The following RIMBP2 variants were observed in gnomAD, a reference collection of about 807,000 sequenced individuals.
RIMBP2 encodes RIMS-binding protein 2.
RIMBP2 carries 48 observed loss-of-function variants against 118.6 expected under a neutral mutation model. That is an observed-to-expected ratio of 0.40 (90% CI 0.32 to 0.51). RIMBP2 has a LOEUF of 0.51. RIMBP2 is among the 20% of genes least tolerant of loss of function. The pLI, the probability that RIMBP2 is intolerant of heterozygous loss-of-function variation, is 0.41. For synonymous variants in RIMBP2, 762 were observed against 742.9 expected (o/e 1.03, Z -0.42); for missense variants, 1,551 against 1,768.3 (o/e 0.88, Z 2.20).
At chr12:130,646,809 G>C (rs1398803818) in intron 1 of RIMBP2, among the ~76,000 whole-genome samples, 2 of 152,246 alleles carry the variant, frequency 1.3e-5, no homozygotes, top group African/African-American at 4.8e-5. Flanking sequence ...CAGAGTCCCT[G>C]AACCAGGGCT....
At chr12:130,551,485 G>A (rs541297654) in intron 2 of RIMBP2, among the ~76,000 whole-genome samples, 2 of 152,274 alleles carry the variant, frequency 1.3e-5, no homozygotes, top group Admixed American at 1.3e-4. Context: ...ATGTCCCATA[G>A]TTTGCTATTT....
intron 14 of RIMBP2, chr12:130,430,583 T>C (rs2077086441): frequency 6.6e-6 from 1 of 150,934 alleles, no homozygotes; most frequent in South Asian, 2.1e-4. Context: ...GTATTCAGCA[T>C]GGGCAATGAC....
chr12:130,438,213 G>A lies in RIMBP2; in HGVS notation c.1656+152C>T. 10 of 786,944 alleles carry A rather than the reference G, an allele frequency of 1.3e-5. 1 individual carries two copies. In the South Asian group the frequency reaches 1.8e-4, roughly 14 times the overall value. The allele number at this position is 786,944 out of a possible 1,614,324, so 48.7% of individuals were successfully genotyped here. On this transcript the variant is annotated intron_variant, in intron 12 of 22. Coordinates refer to ENST00000690449, the MANE Select transcript of RIMBP2 (RefSeq NM_001393629.1). The stretch of plus-strand genomic sequence containing the variant: ...CTGGAAGTGAGGAAGGGGTCCTGGG[G>A]TTCACGCTGATGGAGTCTTCGGGGT...
In RIMBP2 at chr12:130,523,903, A is replaced by T. The variant is rs1183095366; in HGVS notation, c.-216-5986T>A. 6.6e-6 allele frequency among the ~76,000 whole-genome samples: 1 copy of T among 152,100 alleles called. No homozygotes were observed. The highest frequency in any genetic ancestry group is 2.1e-4 in the South Asian group (1 of 4,816). On this transcript the variant is annotated intron_variant, in intron 2 of 22. Coordinates refer to ENST00000690449, the MANE Select transcript of RIMBP2 (RefSeq NM_001393629.1). This position sits in a 1 kb window ranked among gnomAD's most constrained non-coding sequence, Gnocchi z 4.4. ...GTCTCAGAGGTGGGGAAGAGGGTCCACCCAGCACAAATACATAACAAAGGC... is the reference window on the plus strand; with the variant it reads ...GTCTCAGAGGTGGGGAAGAGGGTCCTCCCAGCACAAATACATAACAAAGGC...
chr12:130,422,366 T>C lies in RIMBP2; in HGVS notation c.3238+87A>G. ...TTCTTTGCTTAGCGGAAAATGCTAC[T>C]CCTAAAGTTTTGTTCATGCTTAGAT... On this transcript the variant is annotated intron_variant, in intron 17 of 22. Coordinates refer to ENST00000690449, the MANE Select transcript of RIMBP2 (RefSeq NM_001393629.1). This position sits in a 1 kb window ranked among gnomAD's most constrained non-coding sequence, Gnocchi z 5.2. The C allele has an allele frequency of 1.2e-6, 1 of 832,188 alleles. No homozygotes were observed. Among genetic ancestry groups the C allele is most frequent in the South Asian group, 1.8e-5 (1 of 54,640 alleles). The allele number at this position is 832,188 out of a possible 1,614,324, so 51.6% of individuals were successfully genotyped here.
chr12:130,601,973 G>T (rs1163801444), intron 2 of RIMBP2, among the ~76,000 whole-genome samples: 1 of 152,180 alleles, frequency 6.6e-6, no homozygotes, highest in Non-Finnish European at 1.5e-5. Context: ...CTCTGGCCAA[G>T]AAAGGTCTCC....
At chr12:130,573,686 T>C (rs1427841052) in intron 2 of RIMBP2, among the ~76,000 whole-genome samples, 2 of 151,632 alleles carry the variant, frequency 1.3e-5, no homozygotes, top group Non-Finnish European at 2.9e-5. Context: ...GTGACAGGGG[T>C]AGCCAAGGAC....
intron 4 of RIMBP2, among the ~76,000 whole-genome samples, chr12:130,484,001 C>G (rs2082273920): frequency 6.6e-6 from 1 of 152,156 alleles, no homozygotes; most frequent in Non-Finnish European, 1.5e-5. Flanking sequence ...CTGGAAAGGC[C>G]CCAGAAGTTC....
rs371700645 is a variant in RIMBP2, at chr12:130,613,412, T to C, written c.-217+14910A>G. On this transcript the variant is annotated intron_variant, in intron 2 of 22. Coordinates refer to ENST00000690449, the MANE Select transcript of RIMBP2 (RefSeq NM_001393629.1). ...AGAGAACCTGAGTGAGGAAGTCCAG[T>C]GAGCCCAGCCCCCCACCCCGCAGGC... 5.2e-4 allele frequency among the ~76,000 whole-genome samples: 79 copies of C among 152,074 alleles called. No individual in the cohort carries two copies. The South Asian group carries it at 0.016, about 30-fold the overall frequency.
At chr12:130,414,044 A>G (rs959050743) in intron 18 of RIMBP2, 81 bp downstream of exon 18, 1 of 1,421,812 alleles carries the variant, frequency 7.0e-7, no homozygotes, top group East Asian at 2.3e-5. Flanking sequence ...CTAAGTCGAT[A>G]CCCTGTTGCC....
chr12:130,645,775 T>A (rs67739802), intron 1 of RIMBP2, among the ~76,000 whole-genome samples: 4,556 of 152,294 alleles, frequency 0.03, 200 homozygotes, highest in African/African-American at 0.1. Flanking sequence ...TTATTTAAAC[T>A]TACACATGCT....
rs1216647820 is a variant in RIMBP2 at position 130,424,093 on chromosome 12, A to G, written c.3129+49T>C. On this transcript the variant is annotated intron_variant, in intron 16 of 22. Transcript: ENST00000690449. The surrounding 1 kb of genome is among the most constrained non-coding windows in gnomAD (Gnocchi z 9.8). The stretch of plus-strand genomic sequence containing the variant: ...AACAGAAAACCAGTGAAAGGATGGG[A>G]CAGATTGGTTTGGCAAGCGGCTGTG... The G allele has an allele frequency of 2.3e-5, 23 of 983,366 alleles. No individual in the cohort carries two copies. The East Asian group carries it at 7.2e-4, about 31-fold the overall frequency. 60.9% of individuals were successfully genotyped at this position (983,366 alleles called of 1,614,324 possible). A position where few individuals can be genotyped will look rare whatever the true frequency, so the allele number is the denominator to read the frequency against.
chr12:130,639,950 A>G (rs1468534033), intron 1 of RIMBP2, among the ~76,000 whole-genome samples: 2 of 152,204 alleles, frequency 1.3e-5, no homozygotes, highest in Admixed American at 1.3e-4. Flanking sequence ...AATTCCTGAC[A>G]TATGAGGGAG....
intron 1 of RIMBP2, among the ~76,000 whole-genome samples, chr12:130,672,527 G>C (rs1251776628): frequency 6.6e-6 from 1 of 152,200 alleles, no homozygotes; most frequent in Non-Finnish European, 1.5e-5. Context: ...TCCTTTTGCA[G>C]AGGGGAACAG....
intron 1 of RIMBP2, among the ~76,000 whole-genome samples, chr12:130,672,391 C>T (rs982746259): frequency 6.6e-6 from 1 of 152,210 alleles, no homozygotes; most frequent in African/African-American, 2.4e-5. Context: ...CGCTTCACAG[C>T]GGTAGGGTGG....
At chr12:130,588,455 T>C (rs7136610) in intron 2 of RIMBP2, among the ~76,000 whole-genome samples, 126,521 of 151,974 alleles carry the variant, frequency 0.83, 52,677 homozygotes, top group South Asian at 0.88. Context: ...AAAATAAACA[T>C]GAGAAAAGCC....
chr12:130,406,317 A>G (rs955583112), intron 20 of RIMBP2, 74 bp from the exon 21 acceptor site: 3 of 963,240 alleles, frequency 3.1e-6, no homozygotes, highest in Non-Finnish European at 4.8e-6. Context: ...TAAGTTCTCT[A>G]TGCTTTCCCT....
At chr12:130,595,904 A>T (rs1469837583) in intron 2 of RIMBP2, among the ~76,000 whole-genome samples, 1 of 152,246 alleles carries the variant, frequency 6.6e-6, no homozygotes, top group African/African-American at 2.4e-5. Context: ...CCCAGTGTGG[A>T]TATTGTTGGC....
Position 130,475,571 on chromosome 12 carries a change from A to G in RIMBP2, c.102+3341T>C, listed in dbSNP as rs1056261530. Among the ~76,000 whole-genome samples the G allele has an allele frequency of 6.6e-6, 1 of 152,106 alleles. No homozygotes were observed. Among genetic ancestry groups the G allele is most frequent in the African/African-American group, 2.4e-5 (1 of 41,416 alleles). On this transcript the variant is annotated intron_variant, in intron 5 of 22. Coordinates refer to ENST00000690449, the MANE Select transcript of RIMBP2 (RefSeq NM_001393629.1). This position sits in a 1 kb window ranked among gnomAD's most constrained non-coding sequence, Gnocchi z 4.1. Reference sequence around the variant, plus strand: ...AGACCCGCAGACGGTGGGGAGGGGCATTTCCAGGACCTGGACTGAAGGAAG... The same window carrying G: ...AGACCCGCAGACGGTGGGGAGGGGCGTTTCCAGGACCTGGACTGAAGGAAG...
Sources: allele counts gnomAD v4.1 joint callset (sites outside exome capture counted in the v4.1 genomes callset), GRCh38; gene constraint gnomAD v4.1.1; non-coding constraint Gnocchi (gnomAD v3.1); transcripts MANE v1.5; gene names NCBI Gene and HGNC (gene_info 2026-07-23, HGNC 2026-07-21).